The following GAS2L2 variants were observed in gnomAD, a reference collection of about 807,000 sequenced individuals.
The protein encoded by GAS2L2 is growth arrest specific 2 like 2.
In GAS2L2, 21 loss-of-function variants were observed where a neutral mutation model predicts 35.2. The ratio of observed to expected loss-of-function variants is 0.60; its 90% CI spans 0.42 to 0.86. GAS2L2 has a LOEUF of 0.86. GAS2L2 is among the 40% of genes least tolerant of loss of function. GAS2L2 has a pLI of 0.00. For missense variants in GAS2L2, 1,169 were observed against 1,144.4 expected, an observed-to-expected ratio of 1.02 and a Z score of -0.31; for synonymous variants, 490 against 473.2, an observed-to-expected ratio of 1.04 and a Z score of -0.46.
chr17:35,745,293 C>A lies in GAS2L2; in HGVS notation c.2204G>T (p.Ser735Ile). The A allele has an allele frequency of 6.2e-7, 1 of 1,611,926 alleles. No individual in the cohort carries two copies. The highest frequency in any genetic ancestry group is 8.5e-7 in the Non-Finnish European group (1 of 1,178,692). ...QDCSASTVSA[S>I]PEAPTPSPLD... The stretch of plus-strand genomic sequence containing the variant: ...GGGCGAAGGTGTGGGGGCCTCCGGG[C>A]TGGCAGACACAGTAGAAGCCGAGCA... Residue 735 changes from serine (S) to isoleucine (I), a missense_variant, in exon 6 of 6, where the codon AGC (serine) becomes ATC (isoleucine). This residue lies in a region of GAS2L2 where 1,035 missense variants were observed against 976.5 expected (regional missense o/e 1.06). Coordinates refer to ENST00000604641, the MANE Select transcript of GAS2L2 (RefSeq NM_139285.4).
chr17:35,749,265 C>A, intron 2 of GAS2L2, 48 bp from the exon 3 acceptor site: 2 of 1,307,964 alleles, frequency 1.5e-6, no homozygotes, highest in South Asian at 2.5e-5. Context: ...CACTCTGGGT[C>A]AAAATGGGGG....
chr17:35,751,418 G>A (rs888050229), intron 1 of GAS2L2, among the ~76,000 whole-genome samples: 5 of 152,000 alleles, frequency 3.3e-5, no homozygotes, highest in Non-Finnish European at 7.4e-5. Flanking sequence ...CTGCAATCTC[G>A]GCAGTTTGGG....
At position 35,746,192 on chromosome 17, in the gene GAS2L2, G is replaced by A. The variant is rs781995607; in HGVS notation, c.1305C>T (p.Pro435=). 2 of 1,480,748 alleles carry A rather than the reference G, an allele frequency of 1.4e-6. No homozygotes were observed. The highest frequency in any genetic ancestry group is 1.8e-6 in the Non-Finnish European group (2 of 1,114,190). The allele number at this position is 1,480,748 out of a possible 1,614,324, so 91.7% of individuals were successfully genotyped here. A position where few individuals can be genotyped will look rare whatever the true frequency, so the allele number is the denominator to read the frequency against. The change falls in exon 6 of 6, where the codon CCC becomes CCT. Residue 435 remains proline (P), a synonymous_variant. Coordinates refer to ENST00000604641, the MANE Select transcript of GAS2L2 (RefSeq NM_139285.4). ...TDSWGTDAGN[P]TPQRLRAIEA... The stretch of plus-strand genomic sequence containing the variant: ...CAATGGCTCGGAGTCTTTGTGGGGT[G>A]GGGTTCCCGGCGTCGGTTCCCCAGC...
At chr17:35,751,855 T>TC (rs2085705745) in intron 1 of GAS2L2, among the ~76,000 whole-genome samples, 1 of 104,190 alleles carries the variant, frequency 9.6e-6, no homozygotes, top group South Asian at 3.3e-4. Context: ...TCTCTTTTTT[T>TC]TTTTTTTTTT....
rs142989535 is a variant in GAS2L2, at chr17:35,747,886, G to A, written c.795C>T (p.Tyr265=). 26 of 1,613,774 alleles carry A rather than the reference G, an allele frequency of 1.6e-5. No homozygotes were observed. The highest frequency in any genetic ancestry group is 1.2e-4 in the Admixed American group (7 of 59,982). The change falls in exon 4 of 6, where the codon TAC becomes TAT. Residue 265 remains tyrosine (Y), a synonymous_variant. Transcript: ENST00000604641. ...AGCGGCAGGGGTCATGTTTGTCCAG[G>A]TAATGGCCCAGTGTGTCCCAGCCGC... ...VGGGWDTLGH[Y]LDKHDPCRCT...
chr17:35,752,334 G>T (rs1320015181), intron 1 of GAS2L2, 132 bp downstream of exon 1: 9 of 796,408 alleles, frequency 1.1e-5, no homozygotes, highest in Non-Finnish European at 1.6e-5. Flanking sequence ...CATGAAAAAA[G>T]AGCTGGTTCA....
intron 3 of GAS2L2, among the ~76,000 whole-genome samples, chr17:35,748,525 T>C (rs1598395440): frequency 6.6e-6 from 1 of 152,260 alleles, no homozygotes; most frequent in Admixed American, 6.5e-5. Context: ...TGGCCGCTCA[T>C]GTGGGTACAG....
intron 1 of GAS2L2, among the ~76,000 whole-genome samples, chr17:35,751,623 G>A (rs887434144): frequency 1.3e-4 from 20 of 149,790 alleles, no homozygotes; most frequent in South Asian, 2.1e-4. Context: ...AGCCAAGATC[G>A]AACCACTGTA....
Position 35,746,177 on chromosome 17 carries a change from G to A in GAS2L2, c.1320C>T (p.Leu440=), listed in dbSNP as rs1555598942. The part of the protein sequence containing the change: ...TDAGNPTPQR[L]RAIEATTKGI... ...CTTTGGTGGTGGCCTCAATGGCTCG[G>A]AGTCTTTGTGGGGTGGGGTTCCCGG... Residue 440 remains leucine, a synonymous_variant, in exon 6 of 6, where the codon CTC becomes CTT. Transcript: ENST00000604641. 1 of 1,489,992 alleles carries A rather than the reference G, an allele frequency of 6.7e-7. No individual in the cohort carries two copies. The highest frequency in any genetic ancestry group is 8.9e-7 in the Non-Finnish European group (1 of 1,119,024). The allele number at this position is 1,489,992 out of a possible 1,614,324, so 92.3% of individuals were successfully genotyped here. A position where few individuals can be genotyped will look rare whatever the true frequency, so the allele number is the denominator to read the frequency against.
In GAS2L2 at chr17:35,752,498, A is replaced by T. The variant is rs201797745; in HGVS notation, c.353T>A (p.Ile118Asn). ...FQARDNVSNF[I>N]QWCRKEMGIQ... Reference sequence around the variant, plus strand: ...GCCCATCTCCTTTCGACACCACTGGATGAAGTTAGAGACATTGTCCCTGGC... The same window carrying T: ...GCCCATCTCCTTTCGACACCACTGGTTGAAGTTAGAGACATTGTCCCTGGC... Residue 118 changes from isoleucine to asparagine, a missense_variant, in exon 1 of 6, where the codon ATC (isoleucine) becomes AAC (asparagine). By Grantham distance (149) the Ile-to-Asn change is moderately radical. Around this residue, in one of 3 missense-constraint regions of GAS2L2, gnomAD observed 7 missense variants for 21.8 expected, o/e 0.32. Transcript: ENST00000604641. 2.3e-5 allele frequency: 36 copies of T among 1,598,032 alleles called. No individual in the cohort carries two copies. Among genetic ancestry groups the T allele is most frequent in the Non-Finnish European group, 6.9e-6 (8 of 1,167,726 alleles).
chr17:35,747,912 C>G lies in GAS2L2; in HGVS notation c.769G>C (p.Gly257Arg). ...TAATGGCCCAGTGTGTCCCAGCCGC[C>G]CCCTACACGTACCATCACATGGTTC... ...LRNHVMVRVG[G>R]GWDTLGHYLD... The change falls in exon 4 of 6, where the codon GGC becomes CGC. Residue 257 changes from glycine to arginine, a missense_variant. Around this residue, in one of 3 missense-constraint regions of GAS2L2, gnomAD observed 1,035 missense variants for 976.5 expected, o/e 1.06. Coordinates refer to ENST00000604641, the MANE Select transcript of GAS2L2 (RefSeq NM_139285.4). 6.2e-7 allele frequency: 1 copy of G among 1,613,862 alleles called. No individual in the cohort carries two copies. Among genetic ancestry groups the G allele is most frequent in the South Asian group, 1.1e-5 (1 of 91,062 alleles).
chr17:35,748,495 T>C (rs1191776242), intron 3 of GAS2L2, among the ~76,000 whole-genome samples: 2 of 152,260 alleles, frequency 1.3e-5, no homozygotes, highest in Non-Finnish European at 2.9e-5. Flanking sequence ...AGGAAATGGC[T>C]GGGCCATGCC....
At chr17:35,752,332 A>C in intron 1 of GAS2L2, 134 bp downstream of exon 1, 2 of 780,282 alleles carry the variant, frequency 2.6e-6, no homozygotes, top group African/African-American at 3.4e-5. Flanking sequence ...GGCATGAAAA[A>C]AGAGCTGGTT....
Position 35,749,212 on chromosome 17 carries a change from C to G in GAS2L2, c.633G>C (p.Gln211His). 6.2e-7 allele frequency: 1 copy of G among 1,611,590 alleles called. No individual in the cohort carries two copies. The highest frequency in any genetic ancestry group is 8.5e-7 in the Non-Finnish European group (1 of 1,178,380). ...GGCACGTGCAGTGGCTCACAAGGCT[C>G]TGCACCTGCGGGCGGGTGGTGAACT... is the stretch of plus-strand genomic sequence containing the variant. ...CHFRNLDQMVQSLVSHCTCPV... is the reference protein window; with the variant it reads ...CHFRNLDQMVHSLVSHCTCPV... The change falls in exon 3 of 6, where the codon CAG (glutamine) becomes CAC (histidine). Residue 211 changes from glutamine (Q) to histidine (H), a missense_variant. By Grantham distance (24) the Gln-to-His change is conservative. Transcript: ENST00000604641.
At position 35,752,774 on chromosome 17, in the gene GAS2L2, G is replaced by T. The variant is rs782266231; in HGVS notation, c.77C>A (p.Ser26Ter). The change falls in exon 1 of 6, where the codon TCG (serine) becomes TAG (stop). Residue 26 changes from serine to a stop codon, truncating the protein, a stop_gained. Transcript: ENST00000604641. LOFTEE classifies it high-confidence loss of function. ...PPVCSIRPFKSSEQYLEAMKE... is the reference protein window; with the variant it reads ...PPVCSIRPFK ...CATGGCCTCCAGGTACTGCTCACTC[G>T]ACTTGAAAGGCCGGATACTGCACAC... The T allele has an allele frequency of 6.2e-7, 1 of 1,613,806 alleles. No homozygotes were observed. The highest frequency in any genetic ancestry group is 1.1e-5 in the South Asian group (1 of 91,082).
Position 35,745,221 on chromosome 17 carries a change from C to T in GAS2L2, c.2276G>A (p.Arg759Lys). 6.2e-7 allele frequency: 1 copy of T among 1,605,310 alleles called. No individual in the cohort carries two copies. Among genetic ancestry groups the T allele is most frequent in the Non-Finnish European group, 8.5e-7 (1 of 1,174,690 alleles). The change falls in exon 6 of 6, where the codon AGG (arginine) becomes AAG (lysine). Residue 759 changes from arginine to lysine, a missense_variant. Coordinates refer to ENST00000604641, the MANE Select transcript of GAS2L2 (RefSeq NM_139285.4). ...DKAKACLSKG[R>K]RTLRKPKRVP... ...CCTCTTGGGCTTCCGGAGAGTTCTCCTGCCCTTGCTCAGACATGCCTTGGC... is the reference window on the plus strand; with the variant it reads ...CCTCTTGGGCTTCCGGAGAGTTCTCTTGCCCTTGCTCAGACATGCCTTGGC...
chr17:35,745,600 T>C lies in GAS2L2; in HGVS notation c.1897A>G (p.Ser633Gly). ...QGTRSGVIPR[S>G]GVYIPRLAGQ... The stretch of plus-strand genomic sequence containing the variant: ...GCCAGCCTGGGGATGTAGACCCCAC[T>C]GCGAGGGATGACCCCAGACCTTGTG... The change falls in exon 6 of 6, where the codon AGT becomes GGT. Residue 633 changes from serine to glycine, a missense_variant. Coordinates refer to ENST00000604641, the MANE Select transcript of GAS2L2 (RefSeq NM_139285.4). 1 of 1,613,908 alleles carries C rather than the reference T, an allele frequency of 6.2e-7. No homozygotes were observed. The highest frequency in any genetic ancestry group is 8.5e-7 in the Non-Finnish European group (1 of 1,180,012).
chr17:35,745,730 A>G lies in GAS2L2; in HGVS notation c.1767T>C (p.Pro589=). The G allele has an allele frequency of 6.2e-7, 1 of 1,613,880 alleles. No homozygotes were observed. Among genetic ancestry groups the G allele is most frequent in the Non-Finnish European group, 8.5e-7 (1 of 1,180,042 alleles). ...GCTCCTTGTTCCCGCCCAAGGGCAG[A>G]GGTGTGTACCGCCCCTCCTGCTCCT... ...GLQEQEGRYT[P]LPLGGNKEQA... is the part of the protein sequence containing the mutation. The change falls in exon 6 of 6, where the codon CCT becomes CCC. Residue 589 remains proline (P), a synonymous_variant. Coordinates refer to ENST00000604641, the MANE Select transcript of GAS2L2 (RefSeq NM_139285.4).
At chr17:35,748,166 C>T (rs979378664) in intron 3 of GAS2L2, among the ~76,000 whole-genome samples, 4 of 152,188 alleles carry the variant, frequency 2.6e-5, no homozygotes, top group African/African-American at 7.2e-5. Context: ...GAAAGCTGTC[C>T]CACAACTGGT....
Sources: allele counts gnomAD v4.1 joint callset (sites outside exome capture counted in the v4.1 genomes callset), GRCh38; gene constraint gnomAD v4.1.1; regional missense constraint gnomAD v4.1.1; transcripts MANE v1.5; gene names NCBI Gene and HGNC (gene_info 2026-07-23, HGNC 2026-07-21).